MORF4L1: variants seen among roughly 807,000 people sequenced by gnomAD.
MORF4L1 encodes mortality factor 4-like protein 1.
A neutral mutation model predicts 52.9 loss-of-function variants in MORF4L1; 4 were observed. The observed-to-expected ratio is 0.08, with a 90% CI of 0.04 to 0.17. The LOEUF (loss-of-function observed/expected upper bound fraction) is 0.17, where lower values mean the gene tolerates loss of function less well. Among genes scored for constraint, MORF4L1 ranks in the 10% least tolerant of loss-of-function variants. The pLI is 1.00. For synonymous variants in MORF4L1, 123 were observed against 134.8 expected (o/e 0.91, Z 0.61); for missense variants, 214 against 390.4 (o/e 0.55, Z 3.81).
At position 78,894,103 on chromosome 15, in the gene MORF4L1, C is replaced by A; in HGVS notation, c.675C>A (p.Phe225Leu). ...NEVVAGIKEY[F>L]NVMLGTQLLY... ...TTGTGGCAGGGATAAAAGAATACTT[C>A]AACGTAATGTTGGGTACCCAGCTAC... The change falls in exon 10 of 12, where the codon TTC (phenylalanine) becomes TTA (leucine). Residue 225 changes from phenylalanine to leucine, a missense_variant. Transcript: ENST00000426013. The A allele has an allele frequency of 1.2e-6, 2 of 1,613,620 alleles. No individual in the cohort carries two copies. The highest frequency in any genetic ancestry group is 1.7e-6 in the Non-Finnish European group (2 of 1,179,724).
At chr15:78,874,547 T>G (rs1243374760) in intron 1 of MORF4L1, among the ~76,000 whole-genome samples, 1 of 151,470 alleles carries the variant, frequency 6.6e-6, no homozygotes, top group Non-Finnish European at 1.5e-5. Flanking sequence ...TCTGTTTTGT[T>G]TTTTAGGGTT....
Position 78,889,684 on chromosome 15 carries a change from A to C in MORF4L1, c.324-1305A>C, listed in dbSNP as rs191334209. ...AAATACAGTCCAACAGATTTTTACA[A>C]AACTAACAGACAAGAGAAAACCTAT... On this transcript the variant is annotated intron_variant, in intron 5 of 11. Coordinates refer to ENST00000426013, the MANE Select transcript of MORF4L1 (RefSeq NM_006791.4). 3.9e-5 allele frequency among the ~76,000 whole-genome samples: 6 copies of C among 152,344 alleles called. No homozygotes were observed. The East Asian group carries it at 1.2e-3, about 29-fold the overall frequency.
chr15:78,873,832 A>C (rs115091751), intron 1 of MORF4L1: 1 of 152,388 alleles, frequency 6.6e-6, no homozygotes, highest in South Asian at 2.0e-4. Flanking sequence ...CCGAGATCCT[A>C]TGGTAATGTG....
At chr15:78,880,472 A>G in intron 2 of MORF4L1, 40 bp from the exon 3 acceptor site, 1 of 1,492,890 alleles carries the variant, frequency 6.7e-7, no homozygotes, top group Non-Finnish European at 9.2e-7. Context: ...TGTCTTTAAA[A>G]AATTTCTAAG....
intron 3 of MORF4L1, among the ~76,000 whole-genome samples, chr15:78,881,012 A>G (rs1439424093): frequency 6.6e-6 from 1 of 152,038 alleles, no homozygotes; most frequent in Non-Finnish European, 1.5e-5. Flanking sequence ...AAAAGGGGAA[A>G]GGATAAAGGT....
At position 78,894,775 on chromosome 15, in the gene MORF4L1, C is replaced by A. The variant is rs375895735; in HGVS notation, c.803-45C>A. ...TAATTAAAATACATGGTTGTAGTGC[C>A]CCTGCCTTGGATGTAACTTTGGATA... On this transcript the variant is annotated intron_variant, in intron 10 of 11. Transcript: ENST00000426013. The A allele has an allele frequency of 1.0e-3, 1,385 of 1,384,620 alleles. 12 individuals are homozygous for A. Among genetic ancestry groups the A allele is most frequent in the South Asian group, 5.8e-3 (504 of 86,178 alleles). 85.8% of individuals were successfully genotyped at this position (1,384,620 alleles called of 1,614,324 possible).
At chr15:78,891,222 T>G (rs565917153) in intron 6 of MORF4L1, 1 of 699,402 alleles carries the variant, frequency 1.4e-6, no homozygotes, top group Admixed American at 3.0e-5. Context: ...TTCATCTGCT[T>G]TAGTCTTAAT....
rs921189770 is a variant in MORF4L1, at chr15:78,880,568, T to G, written c.144T>G (p.Gly48=). The G allele has an allele frequency of 3.1e-6, 5 of 1,598,900 alleles. No individual in the cohort carries two copies. In the African/African-American group the frequency reaches 6.7e-5, roughly 22 times the overall value. Residue 48 remains glycine (G), a synonymous_variant, in exon 3 of 12, where the codon GGT becomes GGG. Coordinates refer to ENST00000426013, the MANE Select transcript of MORF4L1 (RefSeq NM_006791.4). ...TGAAATACTTCATACATTACAGTGG[T>G]TGGAATAAAAAGTGAGTATTAGATC... is the stretch of plus-strand genomic sequence containing the variant. ...KQVKYFIHYS[G]WNKNWDEWVP...
intron 5 of MORF4L1, among the ~76,000 whole-genome samples, chr15:78,889,338 TC>T (rs1450898514): frequency 6.6e-6 from 1 of 152,186 alleles, no homozygotes; most frequent in East Asian, 1.9e-4. Flanking sequence ...CGTTTCAGAT[TC>T]CAGACTTTTT....
chr15:78,885,209 A>T (rs2056679344), intron 3 of MORF4L1: 1 of 713,932 alleles, frequency 1.4e-6, no homozygotes, highest in East Asian at 3.0e-5. Context: ...AAAGTCTTAA[A>T]TTTTTTTTTG....
chr15:78,874,327 A>C (rs1450211226), intron 1 of MORF4L1, among the ~76,000 whole-genome samples: 2 of 152,006 alleles, frequency 1.3e-5, no homozygotes, highest in African/African-American at 4.8e-5. Context: ...GCGTATTTTA[A>C]GTTTATGGAA....
rs755799480 is a variant in MORF4L1 at position 78,896,969 on chromosome 15, T to C, written c.888-14T>C. ...GACCTTTAAAAATTTTTGTAATGAA[T>C]ATTTTATTTTTAGGTACCTGGCAAA... On this transcript the variant is annotated splice_polypyrimidine_tract_variant and intron_variant, in intron 11 of 11. Coordinates refer to ENST00000426013, the MANE Select transcript of MORF4L1 (RefSeq NM_006791.4). The C allele has an allele frequency of 2.5e-6, 4 of 1,608,688 alleles. No individual in the cohort carries two copies. The highest frequency in any genetic ancestry group is 3.4e-6 in the Non-Finnish European group (4 of 1,176,080).
In MORF4L1 at chr15:78,873,129, C is replaced by T. The variant is rs910155467; in HGVS notation, c.40+72C>T. ...AGAGGCGGGCTCGAGGTGATTGAGG[C>T]TTGAGGGCCGGGGGCGGCGCGGGCT... is the stretch of plus-strand genomic sequence containing the variant. On this transcript the variant is annotated intron_variant, in intron 1 of 11. Coordinates refer to ENST00000426013, the MANE Select transcript of MORF4L1 (RefSeq NM_006791.4). The T allele has an allele frequency of 1.6e-5, 24 of 1,544,654 alleles. No homozygotes were observed. The African/African-American group carries it at 3.2e-4, about 20-fold the overall frequency.
intron 2 of MORF4L1, 134 bp from the exon 3 acceptor site, chr15:78,880,378 A>T: frequency 1.5e-6 from 1 of 645,260 alleles, no homozygotes; most frequent in Non-Finnish European, 2.7e-6. Flanking sequence ...TGAGTATTCT[A>T]CAAGCTTAGT....
intron 2 of MORF4L1, 44 bp downstream of exon 2, chr15:78,878,303 G>GT: frequency 6.4e-7 from 1 of 1,566,798 alleles, no homozygotes; most frequent in Non-Finnish European, 8.7e-7. Context: ...AAAACTACTG[G>GT]TTAGATCTGG....
chr15:78,887,357 G>T lies in MORF4L1; in HGVS notation c.323+8G>T. 6.2e-7 allele frequency: 1 copy of T among 1,604,310 alleles called. No homozygotes were observed. The highest frequency in any genetic ancestry group is 8.5e-7 in the Non-Finnish European group (1 of 1,177,264). On this transcript the variant is annotated splice_region_variant and intron_variant, in intron 5 of 11. Transcript: ENST00000426013. ...ACAGAAAAATGTTGAAGTGTAAGAA[G>T]CTCTTTGTTTTGATTTTGCATACTA...
chr15:78,873,570 G>A (rs1196534062), intron 1 of MORF4L1, among the ~76,000 whole-genome samples: 2 of 152,150 alleles, frequency 1.3e-5, no homozygotes, highest in African/African-American at 4.8e-5. Flanking sequence ...GGCGCCACGG[G>A]GCGGGAGAAG....
chr15:78,884,986 C>T lies in MORF4L1; in HGVS notation c.156-1155C>T, dbSNP rs200340713. ...TATCAGAAGTGCTGTGAGGCCCAGGCGCTCTGAAAAATCTTTGAAGACACA... is the reference window on the plus strand; with the variant it reads ...TATCAGAAGTGCTGTGAGGCCCAGGTGCTCTGAAAAATCTTTGAAGACACA... On this transcript the variant is annotated intron_variant, in intron 3 of 11. Coordinates refer to ENST00000426013, the MANE Select transcript of MORF4L1 (RefSeq NM_006791.4). 53 of 1,613,768 alleles carry T rather than the reference C, an allele frequency of 3.3e-5. No homozygotes were observed. Among genetic ancestry groups the T allele is most frequent in the Admixed American group, 6.7e-5 (4 of 59,948 alleles).
At chr15:78,874,196 T>C (rs1010337448) in intron 1 of MORF4L1, among the ~76,000 whole-genome samples, 2 of 152,242 alleles carry the variant, frequency 1.3e-5, no homozygotes, top group Admixed American at 6.5e-5. Flanking sequence ...TTTTCATTGC[T>C]ATGGAAATTT....
Sources: gnomAD v4.1 joint callset for allele counts (sites outside exome capture counted in the v4.1 genomes callset) on GRCh38, gnomAD v4.1.1 for gene constraint, MANE v1.5 for transcripts, NCBI Gene and HGNC (gene_info 2026-07-23, HGNC 2026-07-21) for gene names.